The following CTTNBP2NL variants were observed in gnomAD, a reference collection of about 807,000 sequenced individuals.
CTTNBP2NL encodes CTTNBP2 N-terminal like, also known as CTTNBP2 N-terminal-like protein.
In CTTNBP2NL, 16 loss-of-function variants were observed where a neutral mutation model predicts 32.5. That is an observed-to-expected ratio of 0.49 (90% CI 0.33 to 0.75). The LOEUF (loss-of-function observed/expected upper bound fraction) is 0.75, where lower values mean the gene tolerates loss of function less well. Among genes scored for constraint, CTTNBP2NL ranks in the 30% least tolerant of loss-of-function variants. CTTNBP2NL has a pLI of 0.02. For synonymous variants in CTTNBP2NL, 298 were observed against 289.4 expected, an observed-to-expected ratio of 1.03 and a Z score of -0.30; for missense variants, 645 against 756.0, an observed-to-expected ratio of 0.85 and a Z score of 1.72.
chr1:112,400,667 C>T (rs1162858743), intron 1 of CTTNBP2NL, among the ~76,000 whole-genome samples: 1 of 152,194 alleles, frequency 6.6e-6, no homozygotes, highest in Non-Finnish European at 1.5e-5. Context: ...TGGCACATGC[C>T]TGTAATCCCA....
intron 3 of CTTNBP2NL, among the ~76,000 whole-genome samples, chr1:112,422,077 A>G (rs1005651008): frequency 2.0e-5 from 3 of 152,188 alleles, no homozygotes; most frequent in Non-Finnish European, 2.9e-5. Flanking sequence ...CAAGATAACA[A>G]ACATATCCAT....
At chr1:112,416,522 G>A (rs913322510) in intron 3 of CTTNBP2NL, among the ~76,000 whole-genome samples, 5 of 147,870 alleles carry the variant, frequency 3.4e-5, no homozygotes, top group Non-Finnish European at 4.5e-5. Flanking sequence ...TTTTTGAGAC[G>A]GAGTGTCACT....
intron 3 of CTTNBP2NL, among the ~76,000 whole-genome samples, chr1:112,428,623 GAAAT>G (rs1649470184): frequency 6.6e-6 from 1 of 151,902 alleles, no homozygotes; most frequent in Non-Finnish European, 1.5e-5. Context: ...AAACATTTTT[GAAAT>G]AAATTTCACA....
At chr1:112,399,665 C>T (rs1405080240) in intron 1 of CTTNBP2NL, among the ~76,000 whole-genome samples, 1 of 152,136 alleles carries the variant, frequency 6.6e-6, no homozygotes, top group Non-Finnish European at 1.5e-5. Flanking sequence ...TGGTGTTTGA[C>T]GTCATGAAGC....
At chr1:112,440,803 G>A (rs887039391) in intron 3 of CTTNBP2NL, among the ~76,000 whole-genome samples, 1 of 152,198 alleles carries the variant, frequency 6.6e-6, no homozygotes, top group Non-Finnish European at 1.5e-5. Flanking sequence ...ATAAAATGAA[G>A]ATAATAGTGA....
intron 5 of CTTNBP2NL, 113 bp from the exon 6 acceptor site, chr1:112,455,818 T>G: frequency 1.4e-6 from 1 of 713,090 alleles, no homozygotes; most frequent in East Asian, 2.7e-5. Context: ...CAGAAATACT[T>G]GATCTAAGCA....
chr1:112,391,985 T>C (rs1441915996), upstream of CTTNBP2NL, among the ~76,000 whole-genome samples: 1 of 150,426 alleles, frequency 6.6e-6, no homozygotes, highest in African/African-American at 2.5e-5. Context: ...AGTGAGACCC[T>C]GTCTCAATAA....
At chr1:112,435,386 T>C (rs1479374342) in intron 3 of CTTNBP2NL, among the ~76,000 whole-genome samples, 2 of 152,148 alleles carry the variant, frequency 1.3e-5, no homozygotes, top group Non-Finnish European at 2.9e-5. Context: ...TATTTACCAC[T>C]ATATCCCAGG....
intron 4 of CTTNBP2NL, 102 bp from the exon 5 acceptor site, chr1:112,454,347 T>G: frequency 1.3e-6 from 1 of 783,586 alleles, no homozygotes; most frequent in East Asian, 2.6e-5. Flanking sequence ...TTGTTTGATC[T>G]CTGGAACTAT....
At chr1:112,416,381 A>G (rs939482996) in intron 3 of CTTNBP2NL, 117 bp downstream of exon 3, 3 of 608,296 alleles carry the variant, frequency 4.9e-6, no homozygotes, top group Non-Finnish European at 8.4e-6. Flanking sequence ...TGGAGGACAT[A>G]CTGATACTTG....
intron 3 of CTTNBP2NL, among the ~76,000 whole-genome samples, chr1:112,429,338 CAATATCTATCAAATTT>C (rs1278951307): frequency 6.6e-6 from 1 of 152,202 alleles, no homozygotes; most frequent in Non-Finnish European, 1.5e-5. Context: ...GAGAGTTTGG[CAATATCTATCAAATTT>C]AAAAATGCAG....
intron 3 of CTTNBP2NL, among the ~76,000 whole-genome samples, chr1:112,432,029 C>T (rs567112458): frequency 3.8e-4 from 56 of 147,656 alleles, no homozygotes; most frequent in African/African-American, 1.2e-3. Context: ...AAGGGGGTTA[C>T]GGTCAGGAAG....
At chr1:112,391,510 C>A (rs1269133267), upstream of CTTNBP2NL, among the ~76,000 whole-genome samples, 2 of 152,152 alleles carry the variant, frequency 1.3e-5, no homozygotes, top group African/African-American at 4.8e-5. Flanking sequence ...CAAGATCTCC[C>A]AGGTAGCTAA....
Position 112,455,640 on chromosome 1 carries a change from T to C in CTTNBP2NL, c.439-291T>C, listed in dbSNP as rs114609585. On this transcript the variant is annotated intron_variant, in intron 5 of 5. Coordinates refer to ENST00000271277, the MANE Select transcript of CTTNBP2NL (RefSeq NM_018704.3). ...ATGTGGTTGATACAGCTTTCTGTTA[T>C]CTTGTTTTGATTGGTTCTGATGCTC... Among the ~76,000 whole-genome samples, 297 of 152,382 alleles carry C rather than the reference T, an allele frequency of 1.9e-3. 1 individual carries two copies. Among genetic ancestry groups the C allele is most frequent in the African/African-American group, 6.8e-3 (282 of 41,594 alleles).
chr1:112,391,598 A>T (rs559476897), upstream of CTTNBP2NL, among the ~76,000 whole-genome samples: 7 of 152,314 alleles, frequency 4.6e-5, no homozygotes, highest in South Asian at 2.1e-4. Context: ...CTCATTTAAC[A>T]AATGAGGAAA....
In CTTNBP2NL at chr1:112,454,493, T is replaced by C; in HGVS notation, c.375T>C (p.Asp125=). ...LEEERQRHAQ[D]TAEGDDVTYM... Reference sequence around the variant, plus strand: ...AAGAAAGGCAGCGGCATGCACAGGATACGGCTGAAGGAGATGATGTCACCT... The same window carrying C: ...AAGAAAGGCAGCGGCATGCACAGGACACGGCTGAAGGAGATGATGTCACCT... Residue 125 remains aspartate (D), a synonymous_variant, in exon 5 of 6, where the codon GAT becomes GAC. Coordinates refer to ENST00000271277, the MANE Select transcript of CTTNBP2NL (RefSeq NM_018704.3). The C allele has an allele frequency of 6.2e-7, 1 of 1,614,134 alleles. No individual in the cohort carries two copies.
chr1:112,444,376 AC>A (rs1351621917), intron 3 of CTTNBP2NL, among the ~76,000 whole-genome samples: 3 of 152,214 alleles, frequency 2.0e-5, no homozygotes, highest in African/African-American at 7.2e-5. Context: ...CACAGCTGAA[AC>A]TTTTGGAGAG....
chr1:112,412,150 T>A (rs1648891290), intron 1 of CTTNBP2NL, 44 bp from the exon 2 acceptor site: 3 of 152,240 alleles, frequency 2.0e-5, no homozygotes, highest in Admixed American at 2.0e-4. Context: ...CCAAGTTGTT[T>A]ATAGTATAAT....
At chr1:112,441,374 A>G (rs1251274615) in intron 3 of CTTNBP2NL, among the ~76,000 whole-genome samples, 1 of 152,178 alleles carries the variant, frequency 6.6e-6, no homozygotes, top group Non-Finnish European at 1.5e-5. Flanking sequence ...CACTGTATGT[A>G]TCAGCACTTT....
Sources: gnomAD v4.1 joint callset for allele counts (sites outside exome capture counted in the v4.1 genomes callset) on GRCh38, gnomAD v4.1.1 for gene constraint, MANE v1.5 for transcripts, NCBI Gene and HGNC (gene_info 2026-07-23, HGNC 2026-07-21) for gene names.